The following KCNJ6 variants were observed in gnomAD, a reference collection of about 807,000 sequenced individuals.
The protein encoded by KCNJ6 is G protein-activated inward rectifier potassium channel 2.
A neutral mutation model predicts 34.2 loss-of-function variants in KCNJ6; 9 were observed. The ratio of observed to expected loss-of-function variants is 0.26; its 90% CI spans 0.16 to 0.46. The LOEUF (loss-of-function observed/expected upper bound fraction) is 0.46, where lower values mean the gene tolerates loss of function less well. Among genes scored for constraint, KCNJ6 ranks in the 20% least tolerant of loss-of-function variants. The pLI, the probability that KCNJ6 is intolerant of heterozygous loss-of-function variation, is 1.00. For synonymous variants in KCNJ6, 196 were observed against 207.1 expected, an observed-to-expected ratio of 0.95 and a Z score of 0.46; for missense variants, 236 against 531.3, an observed-to-expected ratio of 0.44 and a Z score of 5.46.
intron 3 of KCNJ6, among the ~76,000 whole-genome samples, chr21:37,691,042 A>T (rs2054637446): frequency 6.6e-6 from 1 of 152,072 alleles, no homozygotes. Context: ...CAGCCTCCTA[A>T]AGTGCTGGGA....
chr21:37,864,214 T>C (rs1209187403), intron 1 of KCNJ6, among the ~76,000 whole-genome samples: 1 of 152,014 alleles, frequency 6.6e-6, no homozygotes, highest in African/African-American at 2.4e-5. Flanking sequence ...TACATTCAAG[T>C]GATCCTCCCA....
At chr21:37,830,615 T>C (rs1035156682) in intron 2 of KCNJ6, among the ~76,000 whole-genome samples, 2 of 152,168 alleles carry the variant, frequency 1.3e-5, no homozygotes, top group Non-Finnish European at 2.9e-5. Flanking sequence ...AGTTCATTCC[T>C]TCCCAGTGCC....
At chr21:37,720,782 A>G (rs2123458331) in intron 2 of KCNJ6, among the ~76,000 whole-genome samples, 1 of 148,326 alleles carries the variant, frequency 6.7e-6, no homozygotes, top group Non-Finnish European at 1.5e-5. Context: ...ATCTCGGCTC[A>G]CTGCAAGCTC....
intron 2 of KCNJ6, among the ~76,000 whole-genome samples, chr21:37,720,977 G>A (rs2054823237): frequency 6.6e-6 from 1 of 152,050 alleles, no homozygotes; most frequent in Non-Finnish European, 1.5e-5. Context: ...AAAGTGCTGG[G>A]ATTACAGGCG....
Position 37,872,510 on chromosome 21 carries a change from G to C in KCNJ6, c.-27-31801C>G, listed in dbSNP as rs146531415. Among the ~76,000 whole-genome samples the C allele has an allele frequency of 3.8e-3, 585 of 152,276 alleles. 2 individuals carry two copies. Among genetic ancestry groups the C allele is most frequent in the African/African-American group, 0.013 (534 of 41,560 alleles). ...CCTACAGGAGGAATAGGTGACTGATGATCATGGCTTAATAACACTCATTTG... is the reference window on the plus strand; with the variant it reads ...CCTACAGGAGGAATAGGTGACTGATCATCATGGCTTAATAACACTCATTTG... On this transcript the variant is annotated intron_variant, in intron 1 of 3. Coordinates refer to ENST00000609713, the MANE Select transcript of KCNJ6 (RefSeq NM_002240.5).
rs564151108 is a variant in KCNJ6, at chr21:37,852,474, G to A, written c.-27-11765C>T. 5.9e-5 allele frequency among the ~76,000 whole-genome samples: 9 copies of A among 152,302 alleles called. No homozygotes were observed. The East Asian group carries it at 1.7e-3, about 29-fold the overall frequency. ...TCCCAGCCAGGATGGTGTTGCTGGAGACCCAGTAGGGATCCTGAGCCTTCA... is the reference window on the plus strand; with the variant it reads ...TCCCAGCCAGGATGGTGTTGCTGGAAACCCAGTAGGGATCCTGAGCCTTCA... On this transcript the variant is annotated intron_variant, in intron 1 of 3. Transcript: ENST00000609713.
chr21:37,706,950 C>T (rs905797454), intron 3 of KCNJ6, among the ~76,000 whole-genome samples: 6 of 152,198 alleles, frequency 3.9e-5, no homozygotes, highest in Non-Finnish European at 1.5e-5. Flanking sequence ...TCTCACTGAG[C>T]AGTTGCCTCA....
intron 2 of KCNJ6, among the ~76,000 whole-genome samples, chr21:37,799,963 A>G (rs1179550853): frequency 6.6e-6 from 1 of 152,204 alleles, no homozygotes; most frequent in Admixed American, 6.5e-5. Flanking sequence ...TTTTTTAGTA[A>G]GAGAGGCACC....
At chr21:37,654,613 C>T (rs1384897439) in intron 3 of KCNJ6, among the ~76,000 whole-genome samples, 2 of 152,082 alleles carry the variant, frequency 1.3e-5, no homozygotes, top group Admixed American at 6.5e-5. Context: ...CTGTTCCTTG[C>T]CATTTTAATG....
chr21:37,671,634 G>A (rs1034951017), intron 3 of KCNJ6, among the ~76,000 whole-genome samples: 11 of 152,220 alleles, frequency 7.2e-5, no homozygotes, highest in Admixed American at 2.0e-4. Flanking sequence ...GGCATCTGCC[G>A]GGGTGGGGCA....
intron 1 of KCNJ6, among the ~76,000 whole-genome samples, chr21:37,865,335 C>T (rs1042295579): frequency 2.0e-5 from 3 of 152,184 alleles, no homozygotes; most frequent in Admixed American, 6.5e-5. Flanking sequence ...TGGAGGAGGC[C>T]TTATGCAAAT....
At chr21:37,820,160 G>T (rs1304266875) in intron 2 of KCNJ6, among the ~76,000 whole-genome samples, 1 of 152,134 alleles carries the variant, frequency 6.6e-6, no homozygotes, top group African/African-American at 2.4e-5. Context: ...TTACACGGTT[G>T]TAACTCACAG....
intron 3 of KCNJ6, among the ~76,000 whole-genome samples, chr21:37,677,038 G>A (rs1475071217): frequency 3.9e-5 from 6 of 152,234 alleles, no homozygotes; most frequent in African/African-American, 1.4e-4. Context: ...GGCTGACGTT[G>A]CACTCAGGAG....
At chr21:37,899,315 A>C (rs1416455489) in intron 1 of KCNJ6, among the ~76,000 whole-genome samples, 1 of 152,216 alleles carries the variant, frequency 6.6e-6, no homozygotes, top group African/African-American at 2.4e-5. Flanking sequence ...TTGTGAGCCC[A>C]GAGGGAAAAA....
intron 3 of KCNJ6, among the ~76,000 whole-genome samples, chr21:37,681,559 T>G (rs1399592): frequency 0.52 from 72,427 of 138,482 alleles, 17,351 homozygotes; most frequent in South Asian, 0.6. Context: ...GACAGGTGTA[T>G]GCACATGCTT....
intron 2 of KCNJ6, among the ~76,000 whole-genome samples, chr21:37,803,519 A>G (rs1355598671): frequency 6.6e-6 from 1 of 152,180 alleles, no homozygotes; most frequent in Non-Finnish European, 1.5e-5. Context: ...TAATTGGCTT[A>G]AAAGTCTCTT....
intron 2 of KCNJ6, among the ~76,000 whole-genome samples, chr21:37,840,325 C>T (rs1016713530): frequency 1.4e-4 from 21 of 152,208 alleles, no homozygotes; most frequent in African/African-American, 5.1e-4. Context: ...CCAGAAAAAA[C>T]TTCAGCTGAC....
At chr21:37,739,216 A>C (rs1322863165) in intron 2 of KCNJ6, among the ~76,000 whole-genome samples, 2 of 152,210 alleles carry the variant, frequency 1.3e-5, no homozygotes, top group African/African-American at 4.8e-5. Context: ...AAAATATATC[A>C]TTATTTTAAT....
intron 1 of KCNJ6, among the ~76,000 whole-genome samples, chr21:37,887,224 C>T (rs138999856): frequency 1.8e-4 from 28 of 152,274 alleles, no homozygotes; most frequent in African/African-American, 4.6e-4. Context: ...TAAAGAACCA[C>T]GGTAGGGCTG....
Sources: gnomAD v4.1 joint callset for allele counts (sites outside exome capture counted in the v4.1 genomes callset) on GRCh38, gnomAD v4.1.1 for gene constraint, MANE v1.5 for transcripts, NCBI Gene and HGNC (gene_info 2026-07-23, HGNC 2026-07-21) for gene names.